Variants in CSMD2 observed in about 807,000 individuals in gnomAD.
CSMD2 encodes CUB and sushi domain-containing protein 2.
A neutral mutation model predicts 398.5 loss-of-function variants in CSMD2; 130 were observed. That is an observed-to-expected ratio of 0.33 (90% CI 0.28 to 0.38). CSMD2 has a LOEUF of 0.38. Ranked by LOEUF, CSMD2 falls within the 10% of genes least tolerant of loss-of-function variation. CSMD2 has a pLI of 1.00. For synonymous variants in CSMD2, 1,828 were observed against 1,908.5 expected, an observed-to-expected ratio of 0.96 and a Z score of 1.10; for missense variants, 3,829 against 4,764.9, an observed-to-expected ratio of 0.80 and a Z score of 5.78.
intron 25 of CSMD2, among the ~76,000 whole-genome samples, chr1:33,666,947 C>T (rs929500949): frequency 1.3e-5 from 2 of 151,996 alleles, no homozygotes; most frequent in Non-Finnish European, 2.9e-5. Context: ...GTTTAGGTGG[C>T]GTGAAAGGAG....
chr1:34,142,753 C>A (rs1472737792), intron 1 of CSMD2, among the ~76,000 whole-genome samples: 2 of 152,126 alleles, frequency 1.3e-5, no homozygotes, highest in Non-Finnish European at 2.9e-5. Flanking sequence ...TGCCCCTCTG[C>A]AAGATGGGGA....
intron 9 of CSMD2, 88 bp from the exon 10 acceptor site, chr1:33,810,952 C>A: frequency 6.9e-7 from 1 of 1,449,518 alleles, no homozygotes; most frequent in Non-Finnish European, 9.5e-7. Flanking sequence ...GAAGACACTG[C>A]ATCTGTACAG....
At chr1:33,914,248 C>T (rs774954489) in intron 5 of CSMD2, among the ~76,000 whole-genome samples, 10 of 152,088 alleles carry the variant, frequency 6.6e-5, no homozygotes, top group Non-Finnish European at 1.5e-4. Context: ...CTGGCTCCTA[C>T]ATTGAACTGG....
chr1:33,994,165 G>C (rs2148007515), intron 3 of CSMD2, among the ~76,000 whole-genome samples: 1 of 152,266 alleles, frequency 6.6e-6, no homozygotes, highest in African/African-American at 2.4e-5. Flanking sequence ...AGAGCCAGTA[G>C]GGAGATCTGA....
intron 25 of CSMD2, among the ~76,000 whole-genome samples, chr1:33,671,073 A>C (rs1434604503): frequency 6.6e-6 from 1 of 152,180 alleles, no homozygotes; most frequent in Non-Finnish European, 1.5e-5. Flanking sequence ...CCCACCCAGG[A>C]AATGACAAGC....
In CSMD2 at chr1:33,672,536, G is replaced by T. The variant is rs558686854; in HGVS notation, c.4053-9444C>A. The stretch of plus-strand genomic sequence containing the variant: ...GCCTCTATAGGCTCCACCCCTGGGG[G>T]CAGGGCACAGACAATCAAAAGGCGG... On this transcript the variant is annotated intron_variant, in intron 25 of 70. Transcript: ENST00000373381. Among the ~76,000 whole-genome samples the T allele has an allele frequency of 3.9e-5, 6 of 152,318 alleles. No homozygotes were observed. The East Asian group carries it at 5.8e-4, about 15-fold the overall frequency.
intron 5 of CSMD2, among the ~76,000 whole-genome samples, chr1:33,888,089 A>G (rs1410397121): frequency 6.6e-6 from 1 of 152,172 alleles, no homozygotes; most frequent in East Asian, 1.9e-4. Flanking sequence ...GATGAAAACT[A>G]TAAAATTTTA....
intron 53 of CSMD2, among the ~76,000 whole-genome samples, chr1:33,563,406 G>A (rs1237126919): frequency 6.6e-6 from 1 of 152,088 alleles, no homozygotes; most frequent in African/African-American, 2.4e-5. Flanking sequence ...GGAGAGAAGG[G>A]GCAAGGATGG....
chr1:33,823,757 CT>C (rs1402878192), intron 7 of CSMD2, among the ~76,000 whole-genome samples: 1 of 152,202 alleles, frequency 6.6e-6, no homozygotes, highest in Non-Finnish European at 1.5e-5. Context: ...CACACCCATT[CT>C]TTCTGAGGAA....
chr1:33,541,370 A>C, intron 58 of CSMD2, 61 bp from the exon 59 acceptor site: 1 of 1,277,858 alleles, frequency 7.8e-7, no homozygotes, highest in Non-Finnish European at 1.1e-6. Context: ...CTCCTCCAAT[A>C]CCATCCCTAT....
intron 22 of CSMD2, 114 bp downstream of exon 22, chr1:33,708,974 TG>T: frequency 1.1e-6 from 1 of 893,984 alleles, no homozygotes; most frequent in Non-Finnish European, 1.7e-6. Context: ...GACAGTATTT[TG>T]GGACTCAGGA....
Position 33,580,864 on chromosome 1 carries a change from T to G in CSMD2, c.7276A>C (p.Ser2426Arg). Reference protein sequence around the residue: ...SGQSPLLKALSGNYSAPLIVT... With the variant: ...SGQSPLLKALRGNYSAPLIVT... ...ATCAGGGGAGCTGAGTAATTCCCAC[T>G]GAGGGCTTTCAGCAGAGGACTCTGT... Residue 2426 changes from serine to arginine, a missense_variant, in exon 48 of 71, where the codon AGT (serine) becomes CGT (arginine). Transcript: ENST00000373381. The G allele has an allele frequency of 6.2e-7, 1 of 1,614,088 alleles. No homozygotes were observed. Among genetic ancestry groups the G allele is most frequent in the South Asian group, 1.1e-5 (1 of 91,066 alleles).
intron 2 of CSMD2, among the ~76,000 whole-genome samples, chr1:34,034,109 T>C (rs1274723219): frequency 6.6e-6 from 1 of 152,116 alleles, no homozygotes; most frequent in Non-Finnish European, 1.5e-5. Flanking sequence ...ATCATACATA[T>C]TATAAGGAAA....
intron 21 of CSMD2, among the ~76,000 whole-genome samples, chr1:33,714,109 A>C (rs1372985625): frequency 1.3e-5 from 2 of 152,094 alleles, no homozygotes; most frequent in African/African-American, 4.8e-5. Flanking sequence ...AAGCCTTCCT[A>C]AGGCGTCTCT....
At chr1:34,056,279 G>A (rs755264533) in intron 2 of CSMD2, among the ~76,000 whole-genome samples, 6 of 152,046 alleles carry the variant, frequency 3.9e-5, no homozygotes, top group Non-Finnish European at 7.4e-5. Flanking sequence ...CCCAGCTCTG[G>A]ACACATCCCT....
intron 60 of CSMD2, among the ~76,000 whole-genome samples, chr1:33,538,467 T>A (rs554382062): frequency 1.3e-5 from 2 of 152,316 alleles, no homozygotes; most frequent in East Asian, 3.9e-4. Context: ...CAAATGTGTG[T>A]GCGTGTGCGT....
rs917762389 is a variant in CSMD2, at chr1:33,625,033, C to G, written c.5500+18G>C. ...TGCCGCCCCCCGCACCCTCAACGCCCGGGTCCTGGTTACTCACCCACACAC... is the reference window on the plus strand; with the variant it reads ...TGCCGCCCCCCGCACCCTCAACGCCGGGGTCCTGGTTACTCACCCACACAC... On this transcript the variant is annotated intron_variant, in intron 34 of 70. Coordinates refer to ENST00000373381, the MANE Select transcript of CSMD2 (RefSeq NM_001281956.2). The G allele has an allele frequency of 3.1e-6, 5 of 1,613,138 alleles. No individual in the cohort carries two copies. The African/African-American group carries it at 4.0e-5, about 13-fold the overall frequency.
chr1:33,557,973 T>G, intron 54 of CSMD2, 51 bp from the exon 55 acceptor site: 1 of 1,488,156 alleles, frequency 6.7e-7, no homozygotes. Context: ...TATAGTAAAA[T>G]CTTCCGAGCA....
At chr1:33,693,139 C>T in intron 24 of CSMD2, 83 bp from the exon 25 acceptor site, 4 of 1,449,438 alleles carry the variant, frequency 2.8e-6, no homozygotes, top group Non-Finnish European at 3.7e-6. Context: ...TGCCTGTTTG[C>T]TCTTGAGTCC....
Sources: gnomAD v4.1 joint callset for allele counts (sites outside exome capture counted in the v4.1 genomes callset) on GRCh38, gnomAD v4.1.1 for gene constraint, MANE v1.5 for transcripts, NCBI Gene and HGNC (gene_info 2026-07-23, HGNC 2026-07-21) for gene names.